Variants in PKHD1 observed in about 807,000 individuals in gnomAD.
PKHD1 encodes fibrocystin.
PKHD1 carries 291 observed loss-of-function variants against 412.0 expected under a neutral mutation model. The ratio of observed to expected loss-of-function variants is 0.71; its 90% CI spans 0.64 to 0.78. PKHD1 has a LOEUF of 0.78. Ranked by LOEUF, PKHD1 falls within the 30% of genes least tolerant of loss-of-function variation. The pLI is 0.00. For missense variants in PKHD1, 4,825 were observed against 4,950.7 expected, an observed-to-expected ratio of 0.97 and a Z score of 0.76; for synonymous variants, 1,777 against 1,821.5, an observed-to-expected ratio of 0.98 and a Z score of 0.62.
Position 52,069,440 on chromosome 6 carries a change from G to C in PKHD1, c.778+17C>G. 6.3e-7 allele frequency: 1 copy of C among 1,580,206 alleles called. No homozygotes were observed. The highest frequency in any genetic ancestry group is 8.7e-7 in the Non-Finnish European group (1 of 1,149,038). On this transcript the variant is annotated intron_variant, in intron 11 of 66. Transcript: ENST00000371117. Reference sequence around the variant, plus strand: ...TGAGGCACAAGGGAAGGGGTACTTGGTGAAGGGGGATAGTACCTGAGTGTG... The same window carrying C: ...TGAGGCACAAGGGAAGGGGTACTTGCTGAAGGGGGATAGTACCTGAGTGTG...
intron 5 of PKHD1, among the ~76,000 whole-genome samples, chr6:52,077,905 TCATATCAA>T (rs1344768970): frequency 6.9e-6 from 1 of 145,000 alleles, no homozygotes. Context: ...CCCTAGGCCT[TCATATCAA>T]CATTATTTCA....
chr6:51,763,017 C>T (rs568348156), intron 55 of PKHD1, among the ~76,000 whole-genome samples: 4 of 152,132 alleles, frequency 2.6e-5, no homozygotes, highest in Non-Finnish European at 5.9e-5. Context: ...GAATATACTA[C>T]ATTAATTGCA....
intron 29 of PKHD1, among the ~76,000 whole-genome samples, chr6:52,031,555 A>T (rs145290031): frequency 6.6e-6 from 1 of 152,368 alleles, no homozygotes; most frequent in East Asian, 1.9e-4. Context: ...CTTTTTAACA[A>T]GTGGTTGAGC....
intron 52 of PKHD1, among the ~76,000 whole-genome samples, chr6:51,792,238 A>T (rs530869088): frequency 1.3e-5 from 2 of 152,366 alleles, no homozygotes; most frequent in Admixed American, 6.5e-5. Flanking sequence ...ATGCCAAAGC[A>T]TTAAGTGTTA....
intron 37 of PKHD1, among the ~76,000 whole-genome samples, chr6:51,916,378 T>A (rs976042573): frequency 5.9e-5 from 9 of 152,076 alleles, no homozygotes; most frequent in African/African-American, 2.2e-4. Flanking sequence ...AAGTAAGAAA[T>A]CTTTGGTTTT....
At chr6:51,971,484 C>A (rs1793657127) in intron 35 of PKHD1, among the ~76,000 whole-genome samples, 1 of 151,984 alleles carries the variant, frequency 6.6e-6, no homozygotes, top group South Asian at 2.1e-4. Context: ...TTTATGATGC[C>A]AAAAAATGTA....
intron 35 of PKHD1, chr6:51,975,967 A>AGG (rs1562030806): frequency 7.1e-6 from 1 of 141,184 alleles, no homozygotes; most frequent in Non-Finnish European, 1.5e-5. Flanking sequence ...TCTAATTAAA[A>AGG]AAAAAAAAAA....
In PKHD1 at chr6:51,748,084, C is replaced by T; in HGVS notation, c.9532G>A (p.Gly3178Ser). The change falls in exon 58 of 67, where the codon GGT becomes AGT. Residue 3178 changes from glycine (G) to serine (S), a missense_variant. Gly to Ser is a moderately conservative substitution (Grantham distance 56). Coordinates refer to ENST00000371117, the MANE Select transcript of PKHD1 (RefSeq NM_138694.4). ...ENITLVDNTI[G>S]LLAVVYVFSA... The stretch of plus-strand genomic sequence containing the variant: ...AATACATACACTACTGCCAAAAGAC[C>T]AATAGTATTGTCTACCAGAGTAATG... The T allele has an allele frequency of 3.1e-6, 5 of 1,613,748 alleles. No homozygotes were observed. The highest frequency in any genetic ancestry group is 4.2e-6 in the Non-Finnish European group (5 of 1,179,722).
At position 51,905,071 on chromosome 6, in the gene PKHD1, T is replaced by C. The variant is rs184929291; in HGVS notation, c.6809-1029A>G. The stretch of plus-strand genomic sequence containing the variant: ...AGTTTCCATCTCAGGATAGAACTTT[T>C]ATAGCTTTTATCTCAACAGATTGTT... On this transcript the variant is annotated intron_variant, in intron 41 of 66. Coordinates refer to ENST00000371117, the MANE Select transcript of PKHD1 (RefSeq NM_138694.4). 5.1e-4 allele frequency among the ~76,000 whole-genome samples: 77 copies of C among 152,362 alleles called. 1 individual carries two copies. Among genetic ancestry groups the C allele is most frequent in the Admixed American group, 8.5e-4 (13 of 15,298 alleles).
At chr6:51,912,060 A>G in intron 38 of PKHD1, 104 bp from the exon 39 acceptor site, 1 of 945,264 alleles carries the variant, frequency 1.1e-6, no homozygotes, top group Non-Finnish European at 1.6e-6. Context: ...GGATCTATTC[A>G]TGTTTCTTTA....
At position 51,883,150 on chromosome 6, in the gene PKHD1, T is replaced by C; in HGVS notation, c.7293A>G (p.Glu2431=). 1 of 1,612,540 alleles carries C rather than the reference T, an allele frequency of 6.2e-7. No homozygotes were observed. The change falls in exon 46 of 67, where the codon GAA becomes GAG. Residue 2431 remains glutamate (E), a synonymous_variant. Transcript: ENST00000371117. The part of the protein sequence containing the change: ...SCRDFGIDVL[E]SDANTSVTDS... ...CAGTAACTGAAGTATTTGCATCACT[T>C]TCCAAGACGTCAATTCCAAAATCTC... is the stretch of plus-strand genomic sequence containing the variant.
chr6:51,819,480 A>G (rs896354844), intron 52 of PKHD1, among the ~76,000 whole-genome samples: 3 of 152,060 alleles, frequency 2.0e-5, no homozygotes, highest in Non-Finnish European at 4.4e-5. Context: ...AATTGAATTT[A>G]CTTCTATGCC....
At chr6:51,858,192 C>T (rs554078104) in intron 48 of PKHD1, among the ~76,000 whole-genome samples, 2 of 152,060 alleles carry the variant, frequency 1.3e-5, no homozygotes, top group Non-Finnish European at 2.9e-5. Context: ...TTTACATCTT[C>T]GAATAGAAAA....
intron 35 of PKHD1, among the ~76,000 whole-genome samples, chr6:51,988,387 AGC>A (rs2128058315): frequency 6.6e-6 from 1 of 152,384 alleles, no homozygotes; most frequent in Non-Finnish European, 1.5e-5. Context: ...CAAATTATCC[AGC>A]ATATATTTTA....
At chr6:51,649,938 G>T (rs1770669588) in intron 61 of PKHD1, among the ~76,000 whole-genome samples, 1 of 152,114 alleles carries the variant, frequency 6.6e-6, no homozygotes, top group Non-Finnish European at 1.5e-5. Flanking sequence ...TATATACCAA[G>T]TTCCATGATA....
At chr6:52,038,956 C>A (rs1342478393) in intron 27 of PKHD1, among the ~76,000 whole-genome samples, 1 of 152,116 alleles carries the variant, frequency 6.6e-6, no homozygotes, top group Non-Finnish European at 1.5e-5. Flanking sequence ...GCAACTCACA[C>A]AATGGGAGAA....
intron 39 of PKHD1, among the ~76,000 whole-genome samples, chr6:51,911,124 A>C (rs1782878687): frequency 6.6e-6 from 1 of 152,120 alleles, no homozygotes. Context: ...TCCAGAGCTC[A>C]TGCCTGGAAG....
chr6:52,065,808 G>A (rs964293286), intron 12 of PKHD1, among the ~76,000 whole-genome samples, 168 bp downstream of exon 12: 7 of 152,138 alleles, frequency 4.6e-5, no homozygotes, highest in African/African-American at 1.7e-4. Context: ...CCCATGTACT[G>A]TAGGACCAAA....
chr6:51,744,637 C>T (rs1784968861), intron 59 of PKHD1, 95 bp from the exon 60 acceptor site: 1 of 948,886 alleles, frequency 1.1e-6, no homozygotes, highest in Admixed American at 1.8e-5. Context: ...AAAATAAATT[C>T]AACAGATTTT....
Sources: gnomAD v4.1 joint callset for allele counts (sites outside exome capture counted in the v4.1 genomes callset) on GRCh38, gnomAD v4.1.1 for gene constraint, MANE v1.5 for transcripts, NCBI Gene and HGNC (gene_info 2026-07-23, HGNC 2026-07-21) for gene names.